Variants in KCNN3 observed in about 807,000 individuals in gnomAD.
KCNN3 encodes the protein potassium calcium-activated channel subfamily N member 3, also known as small conductance calcium-activated potassium channel protein 3.
A neutral mutation model predicts 62.9 loss-of-function variants in KCNN3; 16 were observed. The observed-to-expected ratio is 0.25, with a 90% confidence interval of 0.17 to 0.39. KCNN3 has a LOEUF of 0.39. KCNN3 is among the 10% of genes least tolerant of loss of function. The pLI is 1.00. For synonymous variants in KCNN3, 370 were observed against 389.2 expected, an observed-to-expected ratio of 0.95 and a Z score of 0.58; for missense variants, 599 against 949.4, an observed-to-expected ratio of 0.63 and a Z score of 4.85.
At chr1:154,846,511 C>CGGGT (rs1652065767) in intron 1 of KCNN3, among the ~76,000 whole-genome samples, 1 of 152,188 alleles carries the variant, frequency 6.6e-6, no homozygotes, top group African/African-American at 2.4e-5. Flanking sequence ...TGCCGGTACA[C>CGGGT]AGCAATAACA....
At chr1:154,714,810 G>A in intron 6 of KCNN3, 66 bp downstream of exon 6, 1 of 1,600,430 alleles carries the variant, frequency 6.2e-7, no homozygotes, top group Non-Finnish European at 8.6e-7. Flanking sequence ...GCTACTGACA[G>A]AGTTGTAGGA....
At chr1:154,724,213 G>A (rs1700414888) in intron 5 of KCNN3, among the ~76,000 whole-genome samples, 1 of 152,218 alleles carries the variant, frequency 6.6e-6, no homozygotes, top group Non-Finnish European at 1.5e-5. Context: ...CTTGGCCGCT[G>A]CACACTCTCC....
intron 2 of KCNN3, among the ~76,000 whole-genome samples, chr1:154,794,308 T>C (rs1649635622): frequency 6.6e-6 from 1 of 152,206 alleles, no homozygotes; most frequent in Non-Finnish European, 1.5e-5. Context: ...TGTTTCTATG[T>C]CCATGTTTTC....
intron 1 of KCNN3, among the ~76,000 whole-genome samples, chr1:154,832,549 T>C (rs938649793): frequency 2.2e-4 from 34 of 152,084 alleles, no homozygotes; most frequent in Non-Finnish European, 2.9e-5. Flanking sequence ...TATTTACTGC[T>C]CCACCTGCCA....
At chr1:154,780,108 C>G (rs920998392) in intron 2 of KCNN3, among the ~76,000 whole-genome samples, 3 of 151,884 alleles carry the variant, frequency 2.0e-5, no homozygotes, top group African/African-American at 7.3e-5. Flanking sequence ...CCACATGGCA[C>G]AGCCCGAGCT....
rs1395063148 is a variant in KCNN3 at position 154,697,994 on chromosome 1, TA to T, written c.*9981del. The T allele has an allele frequency of 1.3e-5, 2 of 152,336 alleles. No homozygotes were observed. The highest frequency in any genetic ancestry group is 2.1e-4 in the South Asian group (1 of 4,826). 9.4% of individuals were successfully genotyped at this position (152,336 alleles called of 1,614,324 possible). A position where few individuals can be genotyped will look rare whatever the true frequency, so the allele number is the denominator to read the frequency against. ...CTTAGATGAAAGGTATTACTGTGTA[TA>T]AGTATAAAGTACTATTATTTAGTAA... On this transcript the variant is annotated 3_prime_UTR_variant, in exon 8 of 8. Coordinates refer to ENST00000271915, the MANE Select transcript of KCNN3 (RefSeq NM_002249.6).
At chr1:154,724,051 A>C (rs1173102424) in intron 5 of KCNN3, among the ~76,000 whole-genome samples, 1 of 152,228 alleles carries the variant, frequency 6.6e-6, no homozygotes, top group African/African-American at 2.4e-5. Flanking sequence ...TGATGTATCA[A>C]GTACAAACAC....
chr1:154,714,607 TGTGTG>T (rs774380869), intron 6 of KCNN3, among the ~76,000 whole-genome samples: 10,048 of 37,104 alleles, frequency 0.27, 1,434 homozygotes, highest in East Asian at 0.39. Context: ...TGATGTGTGG[TGTGTG>T]GTGTGTGTGT....
chr1:154,865,471 A>G (rs938491123), intron 1 of KCNN3, among the ~76,000 whole-genome samples: 20 of 152,116 alleles, frequency 1.3e-4, no homozygotes, highest in Non-Finnish European at 2.4e-4. Context: ...TAATAATGAG[A>G]AGCTCTCCTC....
chr1:154,770,440 C>T (rs1648495862), intron 3 of KCNN3, among the ~76,000 whole-genome samples: 1 of 152,188 alleles, frequency 6.6e-6, no homozygotes, highest in South Asian at 2.1e-4. Context: ...AACTCCTCTC[C>T]AGACTTCTTT....
intron 1 of KCNN3, among the ~76,000 whole-genome samples, chr1:154,861,203 C>T (rs778603605): frequency 8.5e-5 from 13 of 152,080 alleles, no homozygotes; most frequent in Non-Finnish European, 1.5e-4. Flanking sequence ...GATCCACCCT[C>T]CTTGGCCTCT....
chr1:154,754,624 G>C (rs1213870047), intron 3 of KCNN3, among the ~76,000 whole-genome samples: 2 of 152,170 alleles, frequency 1.3e-5, no homozygotes, highest in African/African-American at 4.8e-5. Context: ...AGGTAGGTGG[G>C]ATGGCTGGAG....
At chr1:154,815,076 T>A (rs1650604056) in intron 2 of KCNN3, among the ~76,000 whole-genome samples, 1 of 152,184 alleles carries the variant, frequency 6.6e-6, no homozygotes, top group Non-Finnish European at 1.5e-5. Context: ...AGCTCCCTCC[T>A]TCCATCTGCT....
chr1:154,837,622 C>T (rs76294534), intron 1 of KCNN3, among the ~76,000 whole-genome samples: 1,640 of 152,304 alleles, frequency 0.011, 22 homozygotes, highest in African/African-American at 0.038. Context: ...TGTTTCAAGG[C>T]GTCCTGCAGA....
chr1:154,808,936 C>A (rs915278990), intron 2 of KCNN3, among the ~76,000 whole-genome samples: 29 of 152,142 alleles, frequency 1.9e-4, no homozygotes, highest in Non-Finnish European at 2.1e-4. Context: ...AGGTGTCGGG[C>A]GGCTCCCGCA....
At chr1:154,816,005 C>T (rs762410821) in intron 2 of KCNN3, among the ~76,000 whole-genome samples, 12 of 152,228 alleles carry the variant, frequency 7.9e-5, no homozygotes, top group African/African-American at 2.4e-5. Flanking sequence ...AGCAATTATG[C>T]CACAGGAAGT....
At chr1:154,754,537 T>C (rs943963686) in intron 3 of KCNN3, among the ~76,000 whole-genome samples, 2 of 152,202 alleles carry the variant, frequency 1.3e-5, no homozygotes, top group African/African-American at 4.8e-5. Context: ...GAAAGTGACA[T>C]GTGTTACTTC....
At chr1:154,735,205 G>C (rs1372692253) in intron 3 of KCNN3, among the ~76,000 whole-genome samples, 1 of 152,176 alleles carries the variant, frequency 6.6e-6, no homozygotes, top group Non-Finnish European at 1.5e-5. Flanking sequence ...GCAAGAAACA[G>C]GTGTGCAAAG....
chr1:154,717,564 T>A (rs202186230), intron 5 of KCNN3, among the ~76,000 whole-genome samples: 5 of 147,710 alleles, frequency 3.4e-5, no homozygotes, highest in African/African-American at 5.0e-5. Flanking sequence ...TTTTTTTTTT[T>A]AAATCATCAT....
Sources: gnomAD v4.1 joint callset for allele counts (sites outside exome capture counted in the v4.1 genomes callset) on GRCh38, gnomAD v4.1.1 for gene constraint, MANE v1.5 for transcripts, NCBI Gene and HGNC (gene_info 2026-07-23, HGNC 2026-07-21) for gene names.